DMD: variants seen among roughly 807,000 people sequenced by gnomAD.
The protein encoded by DMD is dystrophin, also known as mutant dystrophin.
A neutral mutation model predicts 330.1 loss-of-function variants in DMD; 63 were observed. The observed-to-expected ratio is 0.19, with a 90% confidence interval of 0.16 to 0.24. DMD has a LOEUF of 0.24. Ranked by LOEUF, DMD falls within the 10% of genes least tolerant of loss-of-function variation. The pLI is 1.00. For missense variants in DMD, 3,344 were observed against 2,684.1 expected (o/e 1.25, Z -5.43); for synonymous variants, 1,223 against 959.8 (o/e 1.27, Z -5.07).
intron 71 of DMD, 85 bp downstream of exon 71, chrX:31,177,847 A>T: frequency 1.1e-6 from 1 of 884,931 alleles, no homozygotes; most frequent in African/African-American, 2.0e-5. Context: ...AACAAAAGAA[A>T]ACAAACAAAT....
chrX:33,304,507 C>T (rs1258252988), intron 1 of DMD, among the ~76,000 whole-genome samples: 9 of 110,668 alleles, frequency 8.1e-5, no homozygotes, highest in Admixed American at 2.9e-4. Flanking sequence ...TAGGCATAGG[C>T]AAGGACTTCA....
intron 47 of DMD, among the ~76,000 whole-genome samples, chrX:31,915,333 T>C (rs768914241): frequency 1.8e-5 from 2 of 112,193 alleles, no homozygotes; most frequent in Admixed American, 1.9e-4. Flanking sequence ...GCTGCCTTGC[T>C]AGCCTGTGTT....
intron 29 of DMD, among the ~76,000 whole-genome samples, chrX:32,430,721 C>G (rs975655107): frequency 1.8e-5 from 2 of 111,242 alleles, no homozygotes; most frequent in Admixed American, 1.9e-4. Context: ...TTTCCCTTCC[C>G]CTAGCCCCTG....
At chrX:32,132,561 T>C (rs2096701337) in intron 44 of DMD, among the ~76,000 whole-genome samples, 1 of 111,553 alleles carries the variant, frequency 9.0e-6, no homozygotes, top group Non-Finnish European at 1.9e-5. Context: ...CTACGTTAAC[T>C]ACATTTCATT....
chrX:31,540,885 G>C (rs1252295570), intron 55 of DMD, among the ~76,000 whole-genome samples: 6 of 112,144 alleles, frequency 5.4e-5, no homozygotes, highest in Admixed American at 4.8e-4. Context: ...ATTTGAAAAA[G>C]ATCTTAATTT....
intron 28 of DMD, among the ~76,000 whole-genome samples, chrX:32,440,691 T>A (rs1420343114): frequency 8.9e-6 from 1 of 112,022 alleles, no homozygotes; most frequent in African/African-American, 3.2e-5. Flanking sequence ...TTACATTTTA[T>A]GAATACTTTA....
At chrX:31,843,413 T>A (rs910584941) in intron 48 of DMD, among the ~76,000 whole-genome samples, 2 of 111,905 alleles carry the variant, frequency 1.8e-5, no homozygotes. Context: ...GCATTCTGAC[T>A]GGTGTGAGAT....
chrX:32,916,046 TTACTTC>T (rs745423140), intron 2 of DMD, among the ~76,000 whole-genome samples: 3 of 111,486 alleles, frequency 2.7e-5, no homozygotes, highest in Non-Finnish European at 5.6e-5. Context: ...ATAAAATCAT[TTACTTC>T]TACTTCTAGT....
chrX:32,533,072 T>C (rs1396275779), intron 17 of DMD, among the ~76,000 whole-genome samples: 1 of 111,329 alleles, frequency 9.0e-6, no homozygotes, highest in African/African-American at 3.3e-5. Context: ...AAACCTAAAA[T>C]ATTTACTCTC....
At chrX:31,650,652 C>G (rs371831706) in intron 54 of DMD, among the ~76,000 whole-genome samples, 1 of 111,833 alleles carries the variant, frequency 8.9e-6, no homozygotes, top group East Asian at 2.8e-4. Context: ...AATGCTTGTC[C>G]CTCTCCTAAA....
intron 1 of DMD, among the ~76,000 whole-genome samples, chrX:33,113,694 G>A (rs1010274598): frequency 9.0e-6 from 1 of 110,501 alleles, no homozygotes; most frequent in African/African-American, 3.3e-5. Flanking sequence ...AAATATAAAA[G>A]ATGAAGCATG....
intron 67 of DMD, among the ~76,000 whole-genome samples, chrX:31,200,496 G>A (rs918732049): frequency 8.9e-6 from 1 of 112,205 alleles, no homozygotes. Context: ...AGGATTAAAT[G>A]AGAGAATTCA....
chrX:32,606,381 C>G (rs808522), intron 12 of DMD, among the ~76,000 whole-genome samples: 43,727 of 107,872 alleles, frequency 0.41, 6,375 homozygotes, highest in South Asian at 0.6. Context: ...TAAGGGGATA[C>G]CTGTCATTAA....
At chrX:33,260,391 C>T (rs1390829638) in intron 1 of DMD, among the ~76,000 whole-genome samples, 1 of 111,582 alleles carries the variant, frequency 9.0e-6, no homozygotes, top group African/African-American at 3.2e-5. Context: ...TGTTCACATT[C>T]TCCAGTCCAG....
chrX:31,508,366 G>A (rs1335812837), intron 55 of DMD: 4 of 761,458 alleles, frequency 5.3e-6, no homozygotes, highest in South Asian at 5.3e-5. Flanking sequence ...ATGAATTTTG[G>A]AGCACAGGCC....
At chrX:32,117,160 G>A (rs2096614376) in intron 44 of DMD, among the ~76,000 whole-genome samples, 1 of 110,732 alleles carries the variant, frequency 9.0e-6, no homozygotes, top group East Asian at 2.8e-4. Flanking sequence ...GACGACAAAT[G>A]GGAATTCTTA....
At chrX:31,630,426 A>G (rs763572162) in intron 54 of DMD, among the ~76,000 whole-genome samples, 1 of 111,818 alleles carries the variant, frequency 8.9e-6, no homozygotes, top group African/African-American at 3.2e-5. Flanking sequence ...TGCCTCTTGA[A>G]TAATAGGTAA....
chrX:31,216,439 T>C (rs1318669631), intron 64 of DMD, among the ~76,000 whole-genome samples: 2 of 112,642 alleles, frequency 1.8e-5, no homozygotes, highest in Non-Finnish European at 3.7e-5. Flanking sequence ...TCAAACCATA[T>C]AAACTGAGAA....
intron 41 of DMD, among the ~76,000 whole-genome samples, chrX:32,317,275 TGAAA>T (rs1361644336): frequency 9.0e-6 from 1 of 111,456 alleles, no homozygotes; most frequent in East Asian, 2.8e-4. Flanking sequence ...AAAAGATATG[TGAAA>T]GAAACCATAA....
Sources: gnomAD v4.1 joint callset for allele counts (sites outside exome capture counted in the v4.1 genomes callset) on GRCh38, gnomAD v4.1.1 for gene constraint, MANE v1.5 for transcripts, NCBI Gene and HGNC (gene_info 2026-07-23, HGNC 2026-07-21) for gene names.